ABCA13: variants seen among roughly 807,000 people sequenced by gnomAD.
ABCA13 encodes the protein ATP binding cassette subfamily A member 13, also known as ATP-binding cassette sub-family A member 13.
A neutral mutation model predicts 478.7 loss-of-function variants in ABCA13; 476 were observed. The observed-to-expected ratio is 0.99, with a 90% confidence interval of 0.92 to 1.07. The LOEUF (loss-of-function observed/expected upper bound fraction) is 1.07. Among genes scored for constraint, ABCA13 ranks in the 50% least tolerant of loss-of-function variants. ABCA13 has a pLI of 0.00. For missense variants in ABCA13, 6,060 were observed against 5,910.6 expected (o/e 1.03, Z -0.83); for synonymous variants, 2,252 against 2,158.9 (o/e 1.04, Z -1.20).
chr7:48,639,933 A>G (rs1230898039), intron 59 of ABCA13, among the ~76,000 whole-genome samples: 1 of 152,172 alleles, frequency 6.6e-6, no homozygotes, highest in African/African-American at 2.4e-5. Flanking sequence ...CTTTCTAATG[A>G]TAAAGTTTTA....
chr7:48,641,396 C>T lies in ABCA13; in HGVS notation c.14838-1892C>T, dbSNP rs563336888. ...TGTTCTGGTCATATTCTGAATAGAT[C>T]CTAAATTTCACTGCTTATTTATCTA... On this transcript the variant is annotated intron_variant, in intron 59 of 61. Transcript: ENST00000435803. Among the ~76,000 whole-genome samples, 7 of 152,320 alleles carry T rather than the reference C, an allele frequency of 4.6e-5. No homozygotes were observed. The South Asian group carries it at 1.5e-3, about 32-fold the overall frequency.
At chr7:48,615,469 T>C (rs1792478156) in intron 59 of ABCA13, 92 bp downstream of exon 59, 3 of 1,113,578 alleles carry the variant, frequency 2.7e-6, no homozygotes, top group South Asian at 3.2e-5. Flanking sequence ...GAGGCAAGTA[T>C]GTTCCAATTA....
chr7:48,219,314 T>A, intron 3 of ABCA13, 40 bp from the exon 4 acceptor site: 1 of 1,562,094 alleles, frequency 6.4e-7, no homozygotes, highest in Non-Finnish European at 8.6e-7. Context: ...AACTTATTCT[T>A]GTTAAAGAGT....
At position 48,279,075 on chromosome 7, in the gene ABCA13, A is replaced by G. The variant is rs1279186616; in HGVS notation, c.7881A>G (p.Gln2627=). The G allele has an allele frequency of 1.9e-6, 3 of 1,612,688 alleles. No homozygotes were observed. Among genetic ancestry groups the G allele is most frequent in the Non-Finnish European group, 2.5e-6 (3 of 1,179,770 alleles). ...CTAGCATACTCTCATATATGAACCA[A>G]TCTAAGGACTTTTCTGATATTTTGG... The part of the protein sequence containing the change: ...MSPSILSYMN[Q]SKDFSDILEE... Residue 2627 remains glutamine, a synonymous_variant, in exon 18 of 62, where the codon CAA becomes CAG. Coordinates refer to ENST00000435803, the MANE Select transcript of ABCA13 (RefSeq NM_152701.5).
chr7:48,642,534 A>C (rs1242027108), intron 59 of ABCA13, among the ~76,000 whole-genome samples: 1 of 152,208 alleles, frequency 6.6e-6, no homozygotes, highest in Non-Finnish European at 1.5e-5. Context: ...TAGTCATCAG[A>C]GTATATTCAT....
At chr7:48,205,745 C>G (rs1390358253) in intron 3 of ABCA13, among the ~76,000 whole-genome samples, 1 of 152,122 alleles carries the variant, frequency 6.6e-6, no homozygotes, top group Non-Finnish European at 1.5e-5. Context: ...GAAGGTTATG[C>G]ATATCTTTCA....
intron 43 of ABCA13, among the ~76,000 whole-genome samples, chr7:48,455,812 T>C (rs932519988): frequency 1.3e-5 from 2 of 152,246 alleles, no homozygotes; most frequent in African/African-American, 4.8e-5. Flanking sequence ...GCAGGATCTG[T>C]TGCCGGTGCG....
chr7:48,256,294 A>C (rs1793377186), intron 15 of ABCA13, among the ~76,000 whole-genome samples: 1 of 151,956 alleles, frequency 6.6e-6, no homozygotes, highest in South Asian at 2.1e-4. Flanking sequence ...GAAGCTCTTT[A>C]GTTTACTTGG....
At chr7:48,228,868 CTG>C (rs1476822298) in intron 6 of ABCA13, among the ~76,000 whole-genome samples, 1 of 152,150 alleles carries the variant, frequency 6.6e-6, no homozygotes, top group Non-Finnish European at 1.5e-5. Context: ...ATTGGCTATT[CTG>C]AGAGATGCAA....
chr7:48,190,856 T>C lies in ABCA13; in HGVS notation c.70-2103T>C, dbSNP rs1027170867. On this transcript the variant is annotated intron_variant, in intron 1 of 61. Coordinates refer to ENST00000435803, the MANE Select transcript of ABCA13 (RefSeq NM_152701.5). ...AGTGGTTATAATCTTTCTGTACTTTTAAAATTTCTTAACCATACATATGTT... is the reference window on the plus strand; with the variant it reads ...AGTGGTTATAATCTTTCTGTACTTTCAAAATTTCTTAACCATACATATGTT... 1.3e-5 allele frequency among the ~76,000 whole-genome samples: 2 copies of C among 152,202 alleles called. 1 individual carries two copies. Among genetic ancestry groups the C allele is most frequent in the South Asian group, 4.1e-4 (2 of 4,828 alleles).
At chr7:48,298,185 T>G (rs1326908648) in intron 22 of ABCA13, among the ~76,000 whole-genome samples, 181 bp from the exon 23 acceptor site, 2 of 152,194 alleles carry the variant, frequency 1.3e-5, no homozygotes, top group African/African-American at 4.8e-5. Context: ...TTTGGTTTAT[T>G]GTCATATAAA....
intron 55 of ABCA13, among the ~76,000 whole-genome samples, chr7:48,560,475 A>C (rs1036006669): frequency 2.0e-5 from 3 of 152,138 alleles, no homozygotes; most frequent in Non-Finnish European, 2.9e-5. Flanking sequence ...ATGAAGTTAA[A>C]ACCAGGTACT....
intron 57 of ABCA13, among the ~76,000 whole-genome samples, chr7:48,589,020 C>A (rs1401978293): frequency 6.6e-6 from 1 of 152,064 alleles, no homozygotes; most frequent in Non-Finnish European, 1.5e-5. Flanking sequence ...AGTGCTTCTC[C>A]CCCTACACTT....
rs1796330412 is a variant in ABCA13 at position 48,276,539 on chromosome 7, C to A, written c.6873C>A (p.Phe2291Leu). 2 of 1,611,706 alleles carry A rather than the reference C, an allele frequency of 1.2e-6. No homozygotes were observed. Among genetic ancestry groups the A allele is most frequent in the African/African-American group, 2.7e-5 (2 of 74,980 alleles). The change falls in exon 17 of 62, where the codon TTC becomes TTA. Residue 2291 changes from phenylalanine to leucine, a missense_variant. Around this residue, in one of 3 missense-constraint regions of ABCA13, gnomAD observed 4,423 missense variants for 4,309.1 expected, o/e 1.03. Transcript: ENST00000435803. ...AAATATCTCTTCTGCTGAAATATTT[C>A]CACAAAGATGTTATTGCAGAGATGA... is the stretch of plus-strand genomic sequence containing the variant. ...ENKISLLLKY[F>L]HKDVIAEMSF...
rs553432719 is a variant in ABCA13 at position 48,274,854 on chromosome 7, C to T, written c.5188C>T (p.Gln1730Ter). Residue 1730 changes from glutamine to a stop codon, truncating the protein, a stop_gained, in exon 17 of 62, where the codon CAG (glutamine) becomes TAG (stop). Transcript: ENST00000435803. LOFTEE classifies it high-confidence loss of function. ...SHSWNVNHLL[Q>*]LSRLFPKDVV... ...TTCTTGGAATGTTAATCATCTGCTG[C>T]AGCTCTCACGCCTGTTTCCTAAAGA... is the stretch of plus-strand genomic sequence containing the variant. The T allele has an allele frequency of 1.9e-6, 3 of 1,613,916 alleles. No individual in the cohort carries two copies. The highest frequency in any genetic ancestry group is 2.5e-6 in the Non-Finnish European group (3 of 1,179,838).
At chr7:48,579,160 G>A (rs1169746372) in intron 55 of ABCA13, among the ~76,000 whole-genome samples, 3 of 152,172 alleles carry the variant, frequency 2.0e-5, no homozygotes, top group Non-Finnish European at 4.4e-5. Flanking sequence ...GTACATTTCT[G>A]CTCCTGCAAA....
intron 6 of ABCA13, 51 bp from the exon 7 acceptor site, chr7:48,229,774 T>G: frequency 6.2e-7 from 1 of 1,607,622 alleles, no homozygotes; most frequent in African/African-American, 1.3e-5. Flanking sequence ...TGATGCTACT[T>G]GTTTTGCTAA....
chr7:48,268,515 C>T (rs7797332), intron 15 of ABCA13, among the ~76,000 whole-genome samples: 72,901 of 151,942 alleles, frequency 0.48, 18,090 homozygotes, highest in East Asian at 0.77. Context: ...CCTCAAATGC[C>T]TGTGTTGATT....
chr7:48,480,823 A>G (rs1828681106), intron 45 of ABCA13, among the ~76,000 whole-genome samples: 2 of 152,322 alleles, frequency 1.3e-5, no homozygotes, highest in Middle Eastern at 3.4e-3. Context: ...TCTCAGATAT[A>G]ATTGACTGCA....
Sources: allele counts gnomAD v4.1 joint callset (sites outside exome capture counted in the v4.1 genomes callset), GRCh38; gene constraint gnomAD v4.1.1; regional missense constraint gnomAD v4.1.1; transcripts MANE v1.5; gene names NCBI Gene and HGNC (gene_info 2026-07-23, HGNC 2026-07-21).